Variants in XYLT1 observed in about 807,000 individuals in gnomAD.
XYLT1 encodes the protein beta-D-xylosyltransferase 1.
Under a neutral mutation model 91.3 loss-of-function variants are expected in XYLT1, and 36 were observed. The observed-to-expected ratio is 0.39, with a 90% CI of 0.30 to 0.52. XYLT1 has a LOEUF of 0.52. Ranked by LOEUF, XYLT1 falls within the 20% of genes least tolerant of loss-of-function variation. The pLI, the probability that XYLT1 is intolerant of heterozygous loss-of-function variation, is 0.68. For missense variants in XYLT1, 1,242 were observed against 1,284.5 expected (o/e 0.97, Z 0.51); for synonymous variants, 588 against 532.0 (o/e 1.11, Z -1.45).
Position 17,470,750 on chromosome 16 carries a change from G to A in XYLT1, c.47C>T (p.Ser16Leu), listed in dbSNP as rs1052524950. The A allele has an allele frequency of 5.4e-6, 6 of 1,107,406 alleles. No individual in the cohort carries two copies. In the Admixed American group the frequency reaches 1.6e-4, roughly 30 times the overall value. The allele number at this position is 1,107,406 out of a possible 1,614,324, so 68.6% of individuals were successfully genotyped here. Residue 16 changes from serine to leucine, a missense_variant, in exon 1 of 12, where the codon TCG (serine) becomes TTG (leucine). Around this residue, in one of 3 missense-constraint regions of XYLT1, gnomAD observed 437 missense variants for 411.5 expected, o/e 1.06. Coordinates refer to ENST00000261381, the MANE Select transcript of XYLT1 (RefSeq NM_022166.4). ...CACCGTGAGCGCCGCGAGCAGCGCCGAGTGCGAGCGCCGGGCCAGCCTCCG... is the reference window on the plus strand; with the variant it reads ...CACCGTGAGCGCCGCGAGCAGCGCCAAGTGCGAGCGCCGGGCCAGCCTCCG... ...CARRLARRSH[S>L]ALLAALTVLL... is the part of the protein sequence containing the mutation.
intron 1 of XYLT1, among the ~76,000 whole-genome samples, chr16:17,465,563 G>GCA (rs1297504733): frequency 2.1e-5 from 3 of 142,534 alleles, no homozygotes; most frequent in Admixed American, 7.0e-5. Context: ...TTTTGGGGGG[G>GCA]GGGGGGGTGA....
chr16:17,348,412 G>C (rs375930833), intron 2 of XYLT1, among the ~76,000 whole-genome samples: 2 of 152,240 alleles, frequency 1.3e-5, no homozygotes, highest in South Asian at 4.1e-4. Flanking sequence ...AGGCCCTAAG[G>C]TATGGGAGTC....
intron 2 of XYLT1, among the ~76,000 whole-genome samples, chr16:17,341,388 A>C (rs1414623275): frequency 6.6e-6 from 1 of 152,248 alleles, no homozygotes; most frequent in Non-Finnish European, 1.5e-5. Context: ...ATAACGACGA[A>C]GAATGATATG....
chr16:17,138,577 CACAGATG>C, intron 7 of XYLT1, 46 bp from the exon 8 acceptor site: 1 of 1,594,758 alleles, frequency 6.3e-7, no homozygotes, highest in Non-Finnish European at 8.6e-7. Flanking sequence ...CCCAGCCTCC[CACAGATG>C]AACTGGGGTG....
At chr16:17,355,308 C>T (rs1316711178) in intron 2 of XYLT1, 3 of 152,582 alleles carry the variant, frequency 2.0e-5, no homozygotes, top group African/African-American at 7.2e-5. Flanking sequence ...AAAGACAGAA[C>T]CATCCAGGGA....
intron 2 of XYLT1, among the ~76,000 whole-genome samples, chr16:17,289,484 G>GT (rs1348667632): frequency 3.9e-5 from 6 of 152,108 alleles, no homozygotes; most frequent in Non-Finnish European, 7.3e-5. Context: ...TTTCCCCAGC[G>GT]TAAGTGTGTC....
At chr16:17,453,684 G>C (rs187365779) in intron 1 of XYLT1, among the ~76,000 whole-genome samples, 1 of 152,218 alleles carries the variant, frequency 6.6e-6, no homozygotes. Context: ...CGCTACTGCA[G>C]GCTAGAGATC....
At chr16:17,468,815 C>T (rs192366460) in intron 1 of XYLT1, among the ~76,000 whole-genome samples, 142 of 152,276 alleles carry the variant, frequency 9.3e-4, no homozygotes, top group African/African-American at 3.2e-3. Flanking sequence ...CTCCCCTACA[C>T]GTTCTTACAC....
rs189330857 is a variant in XYLT1 at position 17,302,894 on chromosome 16, G to A, written c.403-43396C>T. On this transcript the variant is annotated intron_variant, in intron 2 of 11. Coordinates refer to ENST00000261381, the MANE Select transcript of XYLT1 (RefSeq NM_022166.4). ...GGGGTTGACCTTGGGTCTAGAATGG[G>A]TGAGGGGGAGAGAAAAGAGAAAGCG... Among the ~76,000 whole-genome samples the A allele has an allele frequency of 2.0e-4, 31 of 151,652 alleles. 1 individual carries two copies. Among genetic ancestry groups the A allele is most frequent in the African/African-American group, 7.6e-4 (31 of 40,964 alleles).
At chr16:17,187,778 T>C (rs915544359) in intron 5 of XYLT1, among the ~76,000 whole-genome samples, 2 of 151,916 alleles carry the variant, frequency 1.3e-5, no homozygotes, top group African/African-American at 4.8e-5. Flanking sequence ...ATTCTCACCA[T>C]ATTTTATCAC....
Position 17,185,244 on chromosome 16 carries a change from A to G in XYLT1, c.1289+12968T>C, listed in dbSNP as rs117529510. On this transcript the variant is annotated intron_variant, in intron 5 of 11. Transcript: ENST00000261381. Reference sequence around the variant, plus strand: ...GTGTGCTCCATCAGCCTGAAAAATAACAGGGCTGAGGATATGTTTATTTTG... The same window carrying G: ...GTGTGCTCCATCAGCCTGAAAAATAGCAGGGCTGAGGATATGTTTATTTTG... 1.4e-3 allele frequency among the ~76,000 whole-genome samples: 219 copies of G among 152,394 alleles called. 3 individuals are homozygous for G. In the East Asian group the frequency reaches 0.038, roughly 27 times the overall value.
chr16:17,366,070 T>TC (rs1421380366), intron 1 of XYLT1, among the ~76,000 whole-genome samples: 1 of 142,934 alleles, frequency 7.0e-6, no homozygotes, highest in Non-Finnish European at 1.5e-5. Flanking sequence ...GCTTTTTTTT[T>TC]TTTTTTTTGG....
rs1597121381 is a variant in XYLT1, at chr16:17,104,018, C to A, written c.*4677G>T. ...TACATTCAGCTCAAGCAGATTTGGACAACTTTGTTCCCCCCTCCCAGGTAA... is the reference window on the plus strand; with the variant it reads ...TACATTCAGCTCAAGCAGATTTGGAAAACTTTGTTCCCCCCTCCCAGGTAA... On this transcript the variant is annotated 3_prime_UTR_variant, in exon 12 of 12. Transcript: ENST00000261381. 1 of 152,722 alleles carries A rather than the reference C, an allele frequency of 6.5e-6. No homozygotes were observed. Among genetic ancestry groups the A allele is most frequent in the Non-Finnish European group, 1.5e-5 (1 of 68,136 alleles). The allele number at this position is 152,722 out of a possible 1,614,324, so 9.5% of individuals were successfully genotyped here. A position where few individuals can be genotyped will look rare whatever the true frequency, so the allele number is the denominator to read the frequency against.
chr16:17,470,533 T>A lies in XYLT1; in HGVS notation c.264A>T (p.Gly88=), dbSNP rs1056637053. Reference sequence around the variant, plus strand: ...CCCGCGCCTGGGGCCCCCGTCCTCCTCCTCCTCCGCCGCCGCCTCCTCCTC... The same window carrying A: ...CCCGCGCCTGGGGCCCCCGTCCTCCACCTCCTCCGCCGCCGCCTCCTCCTC... ...RGGGGGGGGG[G]GGRGPQARAR... is the part of the protein sequence containing the mutation. Residue 88 remains glycine, a synonymous_variant, in exon 1 of 12, where the codon GGA becomes GGT. Transcript: ENST00000261381. 5.7e-5 allele frequency: 70 copies of A among 1,224,962 alleles called. No individual in the cohort carries two copies. The highest frequency in any genetic ancestry group is 7.1e-5 in the Non-Finnish European group (70 of 984,382). The allele number at this position is 1,224,962 out of a possible 1,614,324, so 75.9% of individuals were successfully genotyped here.
intron 2 of XYLT1, among the ~76,000 whole-genome samples, chr16:17,350,352 C>T (rs564047594): frequency 6.6e-6 from 1 of 152,292 alleles, no homozygotes; most frequent in South Asian, 2.1e-4. Flanking sequence ...AATGTTGTAT[C>T]ACATCATTCA....
intron 2 of XYLT1, among the ~76,000 whole-genome samples, chr16:17,260,350 A>T (rs1218533205): frequency 6.6e-6 from 1 of 152,184 alleles, no homozygotes; most frequent in Non-Finnish European, 1.5e-5. Context: ...TTTCTGCAAC[A>T]TGTTGCTTCT....
rs574615707 is a variant in XYLT1, at chr16:17,298,804, G to A, written c.403-39306C>T. Among the ~76,000 whole-genome samples the A allele has an allele frequency of 3.5e-3, 530 of 152,194 alleles. 8 individuals are homozygous for A. The highest frequency in any genetic ancestry group is 0.012 in the African/African-American group (505 of 41,520). On this transcript the variant is annotated intron_variant, in intron 2 of 11. Coordinates refer to ENST00000261381, the MANE Select transcript of XYLT1 (RefSeq NM_022166.4). Reference sequence around the variant, plus strand: ...GTTCTCCAGGCCAGGAAAAATATCCGTCTGGATATCCTCATGGTTCACTCC... The same window carrying A: ...GTTCTCCAGGCCAGGAAAAATATCCATCTGGATATCCTCATGGTTCACTCC...
intron 5 of XYLT1, among the ~76,000 whole-genome samples, chr16:17,169,860 G>C (rs571731577): frequency 6.6e-6 from 1 of 152,172 alleles, no homozygotes; most frequent in Non-Finnish European, 1.5e-5. Context: ...TTGGTCTTCA[G>C]GGAACCAGGG....
chr16:17,398,236 A>C (rs2035915572), intron 1 of XYLT1, among the ~76,000 whole-genome samples: 1 of 152,178 alleles, frequency 6.6e-6, no homozygotes, highest in Non-Finnish European at 1.5e-5. Flanking sequence ...AGAGTGGGCA[A>C]ATCTACTGAA....
Sources: allele counts gnomAD v4.1 joint callset (sites outside exome capture counted in the v4.1 genomes callset), GRCh38; gene constraint gnomAD v4.1.1; regional missense constraint gnomAD v4.1.1; transcripts MANE v1.5; gene names NCBI Gene and HGNC (gene_info 2026-07-23, HGNC 2026-07-21).